The following TMEM233 variants were observed in gnomAD, a reference collection of about 807,000 sequenced individuals.
The protein encoded by TMEM233 is dispanin subfamily B member 2.
A neutral mutation model predicts 11.2 loss-of-function variants in TMEM233; 6 were observed. The observed-to-expected ratio is 0.54, with a 90% confidence interval of 0.29 to 1.06. The LOEUF (loss-of-function observed/expected upper bound fraction) is 1.06, where lower values mean the gene tolerates loss of function less well. TMEM233 is among the 50% of genes least tolerant of loss of function. TMEM233 has a pLI of 0.08. For missense variants in TMEM233, 127 were observed against 144.7 expected, an observed-to-expected ratio of 0.88 and a Z score of 0.63; for synonymous variants, 59 against 55.8, an observed-to-expected ratio of 1.06 and a Z score of -0.26.
chr12:119,653,770 C>T, the TMEM233 span, among the ~76,000 whole-genome samples: 36 of 151,366 alleles, frequency 2.4e-4, no homozygotes, highest in African/African-American at 8.2e-4. Flanking sequence ...GAAGCAGCAG[C>T]AAGAAAAAAG....
chr12:119,595,258 C>A lies in TMEM233; in HGVS notation c.186+1224C>A, dbSNP rs919382575. 1.3e-5 allele frequency among the ~76,000 whole-genome samples: 2 copies of A among 152,240 alleles called. No homozygotes were observed. The highest frequency in any genetic ancestry group is 2.9e-5 in the Non-Finnish European group (2 of 68,044). ...AACCCTTGCAGTTGCGCTCCCTCCC[C>A]CACCGGCTCACCTCGCCTGCAGCTG... On this transcript the variant is annotated intron_variant, in intron 1 of 2. Transcript: ENST00000426426. This position sits in a 1 kb window ranked among gnomAD's most constrained non-coding sequence, Gnocchi z 4.3.
intron 2 of TMEM233, chr12:119,634,252 G>C: frequency 1.0e-6 from 1 of 985,328 alleles, no homozygotes; most frequent in Non-Finnish European, 1.2e-6. Flanking sequence ...CATTAGAGGA[G>C]TCGAAGCCTG....
At chr12:119,597,661 A>G (rs979504093) in intron 1 of TMEM233, among the ~76,000 whole-genome samples, 3 of 152,200 alleles carry the variant, frequency 2.0e-5, no homozygotes, top group African/African-American at 7.2e-5. Context: ...CACCCCATGT[A>G]GAACCAGGGG....
chr12:119,649,474 C>T, the TMEM233 span, among the ~76,000 whole-genome samples: 2 of 152,092 alleles, frequency 1.3e-5, no homozygotes. Flanking sequence ...TATTTCTTTG[C>T]TTTTTATACT....
intron 1 of TMEM233, among the ~76,000 whole-genome samples, chr12:119,603,786 T>A (rs1385033922): frequency 1.3e-5 from 2 of 152,218 alleles, no homozygotes; most frequent in Non-Finnish European, 2.9e-5. Context: ...AGTCCACATG[T>A]AACAAACATT....
chr12:119,606,163 C>G (rs1327779066), intron 1 of TMEM233, among the ~76,000 whole-genome samples: 7 of 152,132 alleles, frequency 4.6e-5, no homozygotes, highest in Non-Finnish European at 1.5e-5. Flanking sequence ...TTGATAGGAG[C>G]CTGCTATCTA....
At chr12:119,648,081 T>C in the TMEM233 span, among the ~76,000 whole-genome samples, 7 of 152,170 alleles carry the variant, frequency 4.6e-5, no homozygotes, top group African/African-American at 1.7e-4. Flanking sequence ...GATTTTCACA[T>C]AGCTGGTCCT....
At position 119,626,538 on chromosome 12, in the gene TMEM233, G is replaced by GGAGAAGAGAAGAGAAGAGAAGAGAA. The variant is rs199737179; in HGVS notation, c.187-3162_187-3138dup. 3.7e-3 allele frequency among the ~76,000 whole-genome samples: 234 copies of GGAGAAGAGAAGAGAAGAGAAGAGAA among 63,760 alleles called. 7 individuals are homozygous for GGAGAAGAGAAGAGAAGAGAAGAGAA. The highest frequency in any genetic ancestry group is 6.6e-3 in the Admixed American group (36 of 5,444). The allele number at this position is 63,760 out of a possible 152,430, so 41.8% of individuals were successfully genotyped here. ...AGGAGGAGAAGGGAGAAGGGAGAAG[G>GGAGAAGAGAAGAGAAGAGAAGAGAA]GAGAAGAGAAGAGAAGAGAAGAGAA... On this transcript the variant is annotated intron_variant, in intron 1 of 2. Transcript: ENST00000426426.
chr12:119,622,160 A>G (rs141877773), intron 1 of TMEM233, among the ~76,000 whole-genome samples: 2 of 152,318 alleles, frequency 1.3e-5, no homozygotes, highest in East Asian at 1.9e-4. Context: ...TCTCCTGACT[A>G]TGATACATGA....
chr12:119,619,407 G>A (rs1000366115), intron 1 of TMEM233, among the ~76,000 whole-genome samples: 1 of 152,124 alleles, frequency 6.6e-6, no homozygotes, highest in African/African-American at 2.4e-5. Context: ...TTCGGAGGCC[G>A]AGGCAGGCAG....
chr12:119,645,108 A>G (rs112296411), downstream of TMEM233, among the ~76,000 whole-genome samples: 1 of 152,288 alleles, frequency 6.6e-6, no homozygotes, highest in African/African-American at 2.4e-5. Flanking sequence ...ATAGGGCTAC[A>G]GCTCTTGAAG....
chr12:119,631,645 A>T lies in TMEM233; in HGVS notation c.323+1773A>T, dbSNP rs1299758024. 5 of 985,282 alleles carry T rather than the reference A, an allele frequency of 5.1e-6. No individual in the cohort carries two copies. In the African/African-American group the frequency reaches 8.7e-5, roughly 17 times the overall value. 61.0% of individuals were successfully genotyped at this position (985,282 alleles called of 1,614,324 possible). Reference sequence around the variant, plus strand: ...TAAGAGAAGGTGTAAGGTGCTTGTGAACTTGTGAGCAGGGGAGCCACAGAG... The same window carrying T: ...TAAGAGAAGGTGTAAGGTGCTTGTGTACTTGTGAGCAGGGGAGCCACAGAG... On this transcript the variant is annotated intron_variant, in intron 2 of 2. Coordinates refer to ENST00000426426, the MANE Select transcript of TMEM233 (RefSeq NM_001136534.3).
At chr12:119,643,875 A>C (rs992952918), downstream of TMEM233, among the ~76,000 whole-genome samples, 3 of 152,140 alleles carry the variant, frequency 2.0e-5, no homozygotes, top group Non-Finnish European at 2.9e-5. Context: ...ACAAGACGGA[A>C]ACTTCCAGGG....
the TMEM233 span, among the ~76,000 whole-genome samples, chr12:119,652,518 C>T: frequency 1.3e-5 from 2 of 152,116 alleles, no homozygotes; most frequent in Non-Finnish European, 2.9e-5. Context: ...TGAAGGGTCA[C>T]CCAGTCTGCA....
At chr12:119,644,079 G>A (rs1955121275), downstream of TMEM233, among the ~76,000 whole-genome samples, 1 of 152,180 alleles carries the variant, frequency 6.6e-6, no homozygotes, top group South Asian at 2.1e-4. Context: ...GGGAAAAATG[G>A]TTCAATTCAA....
the TMEM233 span, among the ~76,000 whole-genome samples, chr12:119,649,332 A>G: frequency 3.3e-5 from 5 of 152,174 alleles, no homozygotes; most frequent in Non-Finnish European, 7.4e-5. Context: ...GAAAAGGAGA[A>G]GAGAAAAGAA....
Position 119,594,105 on chromosome 12 carries a change from C to T in TMEM233, c.186+71C>T, listed in dbSNP as rs1953976564. 6.8e-7 allele frequency: 1 copy of T among 1,469,132 alleles called. No individual in the cohort carries two copies. The highest frequency in any genetic ancestry group is 2.1e-5 in the Admixed American group (1 of 47,640). 91.0% of individuals were successfully genotyped at this position (1,469,132 alleles called of 1,614,324 possible). ...CGGCTTTGAGCCCCTGCAGGGGAGT[C>T]CGCGCGCTCTCTGCGGCTCCCTTCC... On this transcript the variant is annotated intron_variant, in intron 1 of 2. Transcript: ENST00000426426. The surrounding 1 kb of genome is among the most constrained non-coding windows in gnomAD (Gnocchi z 5.6).
At chr12:119,616,268 G>C (rs7310536) in intron 1 of TMEM233, among the ~76,000 whole-genome samples, 59,006 of 152,038 alleles carry the variant, frequency 0.39, 12,784 homozygotes, top group African/African-American at 0.57. Context: ...TGAAATACGT[G>C]ATGAGAACCC....
chr12:119,624,678 G>A (rs1954712779), intron 1 of TMEM233, among the ~76,000 whole-genome samples: 1 of 152,186 alleles, frequency 6.6e-6, no homozygotes, highest in Admixed American at 6.5e-5. Flanking sequence ...GTCAGGGGCT[G>A]GGGAGAGGAT....
Sources: gnomAD v4.1 joint callset for allele counts (sites outside exome capture counted in the v4.1 genomes callset) on GRCh38, gnomAD v4.1.1 for gene constraint, Gnocchi (gnomAD v3.1) non-coding constraint, MANE v1.5 for transcripts, NCBI Gene and HGNC (gene_info 2026-07-23, HGNC 2026-07-21) for gene names.